The following TRIM58 variants were observed in gnomAD, a reference collection of about 807,000 sequenced individuals.
The protein encoded by TRIM58 is E3 ubiquitin-protein ligase TRIM58.
TRIM58 carries 38 observed loss-of-function variants against 34.1 expected under a neutral mutation model. The ratio of observed to expected loss-of-function variants is 1.12; its 90% CI spans 0.86 to 1.46. The LOEUF (loss-of-function observed/expected upper bound fraction) is 1.46, where lower values mean the gene tolerates loss of function less well. Ranked by LOEUF, TRIM58 falls within the 40% of genes most tolerant of loss-of-function variation. TRIM58 has a pLI of 0.00. For missense variants in TRIM58, 677 were observed against 642.0 expected (o/e 1.05, Z -0.59); for synonymous variants, 273 against 275.7 (o/e 0.99, Z 0.10).
intron 3 of TRIM58, among the ~76,000 whole-genome samples, chr1:247,865,578 G>A (rs890950422): frequency 2.0e-5 from 3 of 152,200 alleles, no homozygotes; most frequent in South Asian, 2.1e-4. Context: ...TTGCATGCCC[G>A]TTCCAGGCAT....
intron 1 of TRIM58, among the ~76,000 whole-genome samples, chr1:247,860,024 A>G (rs1219854141): frequency 6.6e-6 from 1 of 152,176 alleles, no homozygotes; most frequent in Non-Finnish European, 1.5e-5. Context: ...GTCATTAAAC[A>G]TTCTGTAACA....
At position 247,876,978 on chromosome 1, in the gene TRIM58, A is replaced by C; in HGVS notation, c.*489A>C. The C allele has an allele frequency of 6.5e-6, 1 of 154,718 alleles. No individual in the cohort carries two copies. Among genetic ancestry groups the C allele is most frequent in the South Asian group, 1.9e-4 (1 of 5,230 alleles). 9.6% of individuals were successfully genotyped at this position (154,718 alleles called of 1,614,324 possible). ...CCCGCTCTGTCTCTCTCTCCCTGTC[A>C]CTCTCTCTCTCTTGTTCCTTATTTT... On this transcript the variant is annotated 3_prime_UTR_variant, in exon 6 of 6. Transcript: ENST00000366481.
intron 1 of TRIM58, among the ~76,000 whole-genome samples, chr1:247,859,817 T>C (rs1460374245): frequency 6.6e-6 from 1 of 151,918 alleles, no homozygotes; most frequent in African/African-American, 2.4e-5. Flanking sequence ...AATATAGTTA[T>C]ATAGAGAAAT....
At position 247,860,685 on chromosome 1, in the gene TRIM58, C is replaced by T. The variant is rs758519275; in HGVS notation, c.489C>T (p.Asn163=). The change falls in exon 2 of 6, where the codon AAC becomes AAT. Residue 163 remains asparagine (N), a synonymous_variant. Coordinates refer to ENST00000366481, the MANE Select transcript of TRIM58 (RefSeq NM_015431.4). ...AGGACGCCTTGACTCAGGAGGCCAA[C>T]GTGGGGAAAAAGACTGTCATTTGGA... ...ELEDALTQEA[N]VGKKTVIWKE... 8.1e-6 allele frequency: 13 copies of T among 1,613,452 alleles called. No homozygotes were observed. Among genetic ancestry groups the T allele is most frequent in the Admixed American group, 6.7e-5 (4 of 59,948 alleles).
At chr1:247,861,863 C>G (rs1014824394) in intron 2 of TRIM58, among the ~76,000 whole-genome samples, 4 of 152,142 alleles carry the variant, frequency 2.6e-5, no homozygotes, top group African/African-American at 9.7e-5. Context: ...GTGGCTCACA[C>G]CTGTAATCTC....
chr1:247,857,840 T>A (rs765872581), intron 1 of TRIM58, among the ~76,000 whole-genome samples, 174 bp downstream of exon 1: 2 of 152,066 alleles, frequency 1.3e-5, no homozygotes, highest in Non-Finnish European at 2.9e-5. Flanking sequence ...CTCTTTGCCT[T>A]GGCTGTGGTA....
chr1:247,866,764 A>C (rs116682919), intron 3 of TRIM58, among the ~76,000 whole-genome samples: 5,242 of 152,104 alleles, frequency 0.034, 123 homozygotes, highest in Middle Eastern at 0.065. Context: ...CACCACGCCC[A>C]GCTAATTTAA....
chr1:247,879,082 C>A lies in TRIM58; in HGVS notation c.*2593C>A, dbSNP rs528852851. On this transcript the variant is annotated 3_prime_UTR_variant, in exon 6 of 6. Transcript: ENST00000366481. ...TTATATTCAGCTGTCCACTTGACAT[C>A]AAAATAGACATTTTGAACTCAATTT... Among the ~76,000 whole-genome samples, 2 of 151,910 alleles carry A rather than the reference C, an allele frequency of 1.3e-5. No homozygotes were observed. The highest frequency in any genetic ancestry group is 3.9e-4 in the East Asian group (2 of 5,186).
intron 5 of TRIM58, 88 bp downstream of exon 5, chr1:247,868,151 C>CAAACCCCAGGCAGCCTCA: frequency 8.6e-7 from 1 of 1,159,404 alleles, no homozygotes; most frequent in Non-Finnish European, 1.2e-6. Context: ...GGGAATGAGG[C>CAAACCCCAGGCAGCCTCA]TGCCTGGGGT....
Position 247,868,410 on chromosome 1 carries a change from TC to T in TRIM58, c.871+349del, listed in dbSNP as rs1189559280. Among the ~76,000 whole-genome samples the T allele has an allele frequency of 3.9e-5, 6 of 152,314 alleles. No individual in the cohort carries two copies. In the South Asian group the frequency reaches 1.2e-3, roughly 32 times the overall value. ...GAAGAGATGGGGGAAGAAGTTCTCT[TC>T]CAGAGTCAATACAACACATCACTTC... On this transcript the variant is annotated intron_variant, in intron 5 of 5. Transcript: ENST00000366481.
At chr1:247,866,444 A>G (rs1010736124) in intron 3 of TRIM58, among the ~76,000 whole-genome samples, 6 of 152,030 alleles carry the variant, frequency 3.9e-5, no homozygotes, top group African/African-American at 1.5e-4. Context: ...TGGCCTCCCA[A>G]AGTGTTGGGA....
chr1:247,860,744 C>T (rs762255153), intron 2 of TRIM58, 32 bp downstream of exon 2: 2 of 1,532,910 alleles, frequency 1.3e-6, no homozygotes, highest in Admixed American at 1.7e-5. Context: ...AGGAGGCTTG[C>T]CTGTTTGAAG....
intron 4 of TRIM58, 29 bp from the exon 5 acceptor site, chr1:247,867,934 G>A: frequency 6.2e-7 from 1 of 1,613,216 alleles, no homozygotes; most frequent in Non-Finnish European, 8.5e-7. Flanking sequence ...GAACCCTGCT[G>A]ACTTCTGTGG....
chr1:247,868,731 C>A (rs1164528674), intron 5 of TRIM58, among the ~76,000 whole-genome samples: 2 of 152,136 alleles, frequency 1.3e-5, no homozygotes, highest in African/African-American at 2.4e-5. Context: ...CTTAGGGACA[C>A]ATATTTACTC....
intron 5 of TRIM58, among the ~76,000 whole-genome samples, chr1:247,875,560 A>G (rs571712523): frequency 6.6e-6 from 1 of 151,686 alleles, no homozygotes; most frequent in South Asian, 2.1e-4. Flanking sequence ...TCTCTCTCTC[A>G]CGCACACACA....
At position 247,878,927 on chromosome 1, in the gene TRIM58, C is replaced by T. The variant is rs1408572752; in HGVS notation, c.*2438C>T. Among the ~76,000 whole-genome samples the T allele has an allele frequency of 6.6e-6, 1 of 152,218 alleles. No homozygotes were observed. Among genetic ancestry groups the T allele is most frequent in the Non-Finnish European group, 1.5e-5 (1 of 68,048 alleles). On this transcript the variant is annotated 3_prime_UTR_variant, in exon 6 of 6. Coordinates refer to ENST00000366481, the MANE Select transcript of TRIM58 (RefSeq NM_015431.4). ...TTGTGTGTCTCCTGTAATGACTCTT[C>T]TCTTTCCCTTTCCAACTCCTGAAAG...
In TRIM58 at chr1:247,868,998, C is replaced by T. The variant is rs868216386; in HGVS notation, c.871+935C>T. Among the ~76,000 whole-genome samples the T allele has an allele frequency of 1.7e-4, 26 of 152,298 alleles. 1 individual carries two copies. Among genetic ancestry groups the T allele is most frequent in the South Asian group, 1.2e-3 (6 of 4,828 alleles). ...CACTGCAACCTCCACCTCCCATGTT[C>T]GAGCGATTCTCCTGCCTCAGCCTCC... On this transcript the variant is annotated intron_variant, in intron 5 of 5. Coordinates refer to ENST00000366481, the MANE Select transcript of TRIM58 (RefSeq NM_015431.4).
At chr1:247,875,649 T>G (rs754286131) in intron 5 of TRIM58, among the ~76,000 whole-genome samples, 16 of 152,242 alleles carry the variant, frequency 1.1e-4, no homozygotes, top group South Asian at 6.2e-4. Context: ...ATAGTTGTTT[T>G]TTTTTGGGAA....
intron 3 of TRIM58, among the ~76,000 whole-genome samples, chr1:247,865,824 G>A (rs912423071): frequency 1.1e-4 from 17 of 152,280 alleles, no homozygotes; most frequent in East Asian, 3.9e-4. Flanking sequence ...AGTGACTCAC[G>A]CAGGGGATTC....
Sources: gnomAD v4.1 joint callset for allele counts (sites outside exome capture counted in the v4.1 genomes callset) on GRCh38, gnomAD v4.1.1 for gene constraint, MANE v1.5 for transcripts, NCBI Gene and HGNC (gene_info 2026-07-23, HGNC 2026-07-21) for gene names.